Variants in VWF observed in about 807,000 individuals in gnomAD.
VWF encodes von Willebrand factor.
In VWF, 176 loss-of-function variants were observed where a neutral mutation model predicts 308.6. That is an observed-to-expected ratio of 0.57 (90% confidence interval 0.50 to 0.65). VWF has a LOEUF of 0.65. Ranked by LOEUF, VWF falls within the 30% of genes least tolerant of loss-of-function variation. VWF has a pLI of 0.00. For missense variants in VWF, 3,146 were observed against 3,648.2 expected, an observed-to-expected ratio of 0.86 and a Z score of 3.55; for synonymous variants, 1,385 against 1,443.4, an observed-to-expected ratio of 0.96 and a Z score of 0.92.
intron 19 of VWF, among the ~76,000 whole-genome samples, chr12:6,035,344 T>G (rs943386825): frequency 1.3e-5 from 2 of 152,192 alleles, no homozygotes; most frequent in Non-Finnish European, 2.9e-5. Context: ...TTAAGATGTA[T>G]GTAGCTACAT....
intron 47 of VWF, among the ~76,000 whole-genome samples, chr12:5,966,056 C>T (rs554374545): frequency 6.6e-6 from 1 of 152,258 alleles, no homozygotes; most frequent in South Asian, 2.1e-4. Context: ...CCTCTGAACA[C>T]CAGAGGGCAC....
chr12:5,950,450 G>C (rs752638798), intron 50 of VWF, among the ~76,000 whole-genome samples: 28 of 152,078 alleles, frequency 1.8e-4, no homozygotes, highest in Non-Finnish European at 4.0e-4. Flanking sequence ...TCACACAGGG[G>C]TTAGTGGCAT....
At chr12:6,100,854 G>A (rs1945154824) in intron 5 of VWF, among the ~76,000 whole-genome samples, 1 of 151,964 alleles carries the variant, frequency 6.6e-6, no homozygotes, top group Admixed American at 6.6e-5. Context: ...TAACTAACCT[G>A]CACATTGTGC....
At chr12:6,061,449 T>G (rs2136459181) in intron 13 of VWF, among the ~76,000 whole-genome samples, 1 of 149,668 alleles carries the variant, frequency 6.7e-6, no homozygotes, top group South Asian at 2.1e-4. Flanking sequence ...GGTCTGTGGT[T>G]GCAGGTTTAT....
rs115689893 is a variant in VWF, at chr12:5,979,233, A to G, written c.7287+2553T>C. ...GTAATTTTATTTCAGGGTAACTGAA[A>G]GCAGTTGGGAGAAAGTTCTTTCTTA... On this transcript the variant is annotated intron_variant, in intron 42 of 51. Coordinates refer to ENST00000261405, the MANE Select transcript of VWF (RefSeq NM_000552.5). Among the ~76,000 whole-genome samples the G allele has an allele frequency of 8.7e-3, 1,323 of 152,368 alleles. 21 individuals carry two copies. The highest frequency in any genetic ancestry group is 0.03 in the African/African-American group (1,240 of 41,580).
Position 6,057,955 on chromosome 12 carries a change from C to G in VWF, c.1623G>C (p.Leu541=), listed in dbSNP as rs750981698. 14 of 1,613,772 alleles carry G rather than the reference C, an allele frequency of 8.7e-6. No individual in the cohort carries two copies. Among genetic ancestry groups the G allele is most frequent in the Non-Finnish European group, 1.1e-5 (13 of 1,180,032 alleles). Reference sequence around the variant, plus strand: ...CGAAGTCCTCCACCCGGGGCTCCGCCAGCCCAGAGGGGGTAAGGAAGTCGT... The same window carrying G: ...CGAAGTCCTCCACCCGGGGCTCCGCGAGCCCAGAGGGGGTAAGGAAGTCGT... ...QGDDFLTPSG[L]AEPRVEDFGN... The change falls in exon 14 of 52, where the codon CTG becomes CTC. Residue 541 remains leucine, a synonymous_variant. Coordinates refer to ENST00000261405, the MANE Select transcript of VWF (RefSeq NM_000552.5).
chr12:6,076,866 G>C (rs1194399190), intron 6 of VWF, among the ~76,000 whole-genome samples: 1 of 152,216 alleles, frequency 6.6e-6, no homozygotes, highest in African/African-American at 2.4e-5. Flanking sequence ...AAGCCCACAG[G>C]AATAGAAACC....
At chr12:6,094,569 T>C (rs984134299) in intron 6 of VWF, among the ~76,000 whole-genome samples, 1 of 152,168 alleles carries the variant, frequency 6.6e-6, no homozygotes, top group African/African-American at 2.4e-5. Context: ...TCCTCCAAAA[T>C]CCATGTGTTG....
chr12:6,118,872 G>A (rs1945399428), intron 3 of VWF, among the ~76,000 whole-genome samples: 1 of 151,830 alleles, frequency 6.6e-6, no homozygotes, highest in African/African-American at 2.4e-5. Context: ...GGGGTTCAGG[G>A]GTTCTCTCCA....
At position 6,057,837 on chromosome 12, in the gene VWF, G is replaced by A. The variant is rs1424657462; in HGVS notation, c.1729+12C>T. On this transcript the variant is annotated intron_variant, in intron 14 of 51. Transcript: ENST00000261405. Reference sequence around the variant, plus strand: ...TCTGCGAGGTCCCTGCCTTGCCCCCGGGTTCACATACTCATGCGCGGGTTG... The same window carrying A: ...TCTGCGAGGTCCCTGCCTTGCCCCCAGGTTCACATACTCATGCGCGGGTTG... The A allele has an allele frequency of 1.3e-6, 2 of 1,597,530 alleles. No individual in the cohort carries two copies. The highest frequency in any genetic ancestry group is 1.3e-5 in the African/African-American group (1 of 74,404).
chr12:6,101,754 G>A (rs1243365171), intron 5 of VWF, among the ~76,000 whole-genome samples: 2 of 152,136 alleles, frequency 1.3e-5, no homozygotes, highest in Middle Eastern at 3.4e-3. Flanking sequence ...CAGCCTAGGC[G>A]ACAGAGTGAG....
In VWF at chr12:5,981,882, G is replaced by A. The variant is rs142422347; in HGVS notation, c.7191C>T (p.Asn2397=). The change falls in exon 42 of 52, where the codon AAC becomes AAT. Residue 2397 remains asparagine (N), a synonymous_variant. Coordinates refer to ENST00000261405, the MANE Select transcript of VWF (RefSeq NM_000552.5). ...GACAGCTCACTGTGGAGTTGACACA[G>A]TTGCAGGCACACTCATACTCATCAC... ...QCCDEYECAC[N]CVNSTVSCPL... The A allele has an allele frequency of 6.2e-7, 1 of 1,607,998 alleles. No homozygotes were observed. The highest frequency in any genetic ancestry group is 1.1e-5 in the South Asian group (1 of 91,002).
intron 6 of VWF, among the ~76,000 whole-genome samples, chr12:6,080,517 A>G (rs942687469): frequency 2.6e-4 from 40 of 152,206 alleles, no homozygotes; most frequent in African/African-American, 8.7e-4. Flanking sequence ...AGGGCCCTGG[A>G]TGCAACATAG....
intron 1 of VWF, among the ~76,000 whole-genome samples, chr12:6,123,921 C>T (rs1945459218): frequency 6.6e-6 from 1 of 152,116 alleles, no homozygotes; most frequent in Non-Finnish European, 1.5e-5. Context: ...TGCTGTAGCC[C>T]CTCTCCTCGG....
intron 47 of VWF, among the ~76,000 whole-genome samples, chr12:5,960,803 C>G (rs1943305254): frequency 6.6e-6 from 1 of 152,162 alleles, no homozygotes; most frequent in African/African-American, 2.4e-5. Context: ...TAGAAACTCT[C>G]AGCACTAAAA....
At chr12:6,055,842 A>G (rs182053119) in intron 15 of VWF, among the ~76,000 whole-genome samples, 404 of 150,832 alleles carry the variant, frequency 2.7e-3, no homozygotes, top group Admixed American at 4.4e-3. Context: ...TGGTGCGATC[A>G]TAACTCACTG....
At chr12:6,107,119 C>G (rs763284656) in intron 5 of VWF, among the ~76,000 whole-genome samples, 6 of 152,068 alleles carry the variant, frequency 3.9e-5, no homozygotes, top group Non-Finnish European at 8.8e-5. Context: ...ATGGATTAAC[C>G]TCTCACGGAC....
At chr12:6,090,660 A>T (rs1035895290) in intron 6 of VWF, among the ~76,000 whole-genome samples, 8 of 151,710 alleles carry the variant, frequency 5.3e-5, no homozygotes, top group African/African-American at 1.5e-4. Context: ...CATCATCATC[A>T]TGGCTCTTAA....
intron 18 of VWF, among the ~76,000 whole-genome samples, chr12:6,042,647 T>C (rs1944407964): frequency 6.6e-6 from 1 of 152,178 alleles, no homozygotes; most frequent in African/African-American, 2.4e-5. Context: ...ACGTGACAGG[T>C]ATCCAAGTGC....
Sources: allele counts gnomAD v4.1 joint callset (sites outside exome capture counted in the v4.1 genomes callset), GRCh38; gene constraint gnomAD v4.1.1; transcripts MANE v1.5; gene names NCBI Gene and HGNC (gene_info 2026-07-23, HGNC 2026-07-21).